NFIA: variants seen among roughly 807,000 people sequenced by gnomAD.
The protein encoded by NFIA is nuclear factor 1 A-type.
A neutral mutation model predicts 62.8 loss-of-function variants in NFIA; 8 were observed. That is an observed-to-expected ratio of 0.13 (90% CI 0.07 to 0.23). NFIA has a LOEUF of 0.23. Ranked by LOEUF, NFIA falls within the 10% of genes least tolerant of loss-of-function variation. The probability of loss-of-function intolerance (pLI) is 1.00; values close to 1 mark genes in which losing one functional copy is unlikely to be tolerated. For synonymous variants in NFIA, 235 were observed against 238.1 expected, an observed-to-expected ratio of 0.99 and a Z score of 0.12; for missense variants, 410 against 642.1, an observed-to-expected ratio of 0.64 and a Z score of 3.91.
At chr1:61,193,646 G>T (rs1201777635) in intron 2 of NFIA, among the ~76,000 whole-genome samples, 1 of 152,176 alleles carries the variant, frequency 6.6e-6, no homozygotes, top group Non-Finnish European at 1.5e-5. Context: ...ATTATCAGTT[G>T]TCAGGTATAT....
At chr1:61,110,483 G>A (rs942618379) in intron 2 of NFIA, among the ~76,000 whole-genome samples, 11 of 151,096 alleles carry the variant, frequency 7.3e-5, no homozygotes, top group African/African-American at 2.7e-4. Flanking sequence ...ACACACACAC[G>A]TATCAGTATA....
At chr1:61,128,913 A>ATTTT (rs1570221596) in intron 2 of NFIA, among the ~76,000 whole-genome samples, 1 of 62,918 alleles carries the variant, frequency 1.6e-5, no homozygotes, top group East Asian at 4.5e-4. Flanking sequence ...ATGCTTACTT[A>ATTTT]TGTTTTTTTT....
intron 2 of NFIA, among the ~76,000 whole-genome samples, chr1:61,271,388 G>C (rs1342782093): frequency 6.6e-6 from 1 of 152,200 alleles, no homozygotes; most frequent in East Asian, 1.9e-4. Flanking sequence ...TGAAATACCA[G>C]AAAAGTTGAA....
chr1:61,444,351 T>A lies in NFIA; in HGVS notation c.1513-10952T>A, dbSNP rs563367462. On this transcript the variant is annotated intron_variant, in intron 10 of 10. Coordinates refer to ENST00000403491, the MANE Select transcript of NFIA (RefSeq NM_001134673.4). ...GGAGTAGACCTGAGGAAATTTTTAA[T>A]ACTAACGAGAACTTGGTGCTGCGTA... is the stretch of plus-strand genomic sequence containing the variant. Among the ~76,000 whole-genome samples, 5 of 152,338 alleles carry A rather than the reference T, an allele frequency of 3.3e-5. No individual in the cohort carries two copies. In the South Asian group the frequency reaches 1.0e-3, roughly 32 times the overall value.
chr1:61,178,571 G>A (rs891769414), intron 2 of NFIA, among the ~76,000 whole-genome samples: 2 of 152,166 alleles, frequency 1.3e-5, no homozygotes, highest in African/African-American at 2.4e-5. Flanking sequence ...GATTCAATCC[G>A]TGTATCTCCA....
At chr1:61,229,098 G>T (rs1361077710) in intron 2 of NFIA, among the ~76,000 whole-genome samples, 1 of 151,206 alleles carries the variant, frequency 6.6e-6, no homozygotes, top group Non-Finnish European at 1.5e-5. Context: ...CATCTGAATT[G>T]TCTGAAGTAA....
At chr1:61,115,217 G>A (rs1275862111) in intron 2 of NFIA, among the ~76,000 whole-genome samples, 3 of 152,124 alleles carry the variant, frequency 2.0e-5, no homozygotes, top group African/African-American at 2.4e-5. Flanking sequence ...CTGACCTCAG[G>A]TGATCCACCC....
intron 9 of NFIA, among the ~76,000 whole-genome samples, chr1:61,416,237 C>A (rs1666342340): frequency 6.6e-6 from 1 of 152,094 alleles, no homozygotes; most frequent in African/African-American, 2.4e-5. Flanking sequence ...CCTTTTATAT[C>A]AAATATTATG....
intron 2 of NFIA, among the ~76,000 whole-genome samples, chr1:61,168,668 A>G (rs1570304552): frequency 1.3e-5 from 2 of 152,338 alleles, no homozygotes; most frequent in South Asian, 4.1e-4. Flanking sequence ...AATTCAAAAT[A>G]TATTTGGAAT....
intron 3 of NFIA, among the ~76,000 whole-genome samples, chr1:61,279,395 G>A (rs1346620494): frequency 1.4e-5 from 2 of 148,116 alleles, no homozygotes; most frequent in Non-Finnish European, 3.0e-5. Flanking sequence ...TTTAAAGCAG[G>A]CAGTTAAAAA....
At chr1:61,122,921 C>A (rs1021839793) in intron 2 of NFIA, among the ~76,000 whole-genome samples, 2 of 152,292 alleles carry the variant, frequency 1.3e-5, no homozygotes, top group East Asian at 1.9e-4. Context: ...TGCTCTCCCC[C>A]ACCCAGCCCA....
chr1:61,246,266 A>G (rs1016568056), intron 2 of NFIA, among the ~76,000 whole-genome samples: 8 of 152,202 alleles, frequency 5.3e-5, no homozygotes, highest in African/African-American at 1.9e-4. Context: ...TCTCTCGGAA[A>G]GTTGCCAAGA....
In NFIA at chr1:61,181,414, A is replaced by T. The variant is rs1271865840; in HGVS notation, c.559+92734A>T. Among the ~76,000 whole-genome samples the T allele has an allele frequency of 2.6e-5, 4 of 152,370 alleles. No homozygotes were observed. The East Asian group carries it at 7.7e-4, about 29-fold the overall frequency. ...TAAGCCTTTCCTAGTAAAGGGATGC[A>T]TTCAGCAGCTTTAAAAAGAATATTT... On this transcript the variant is annotated intron_variant, in intron 2 of 10. Transcript: ENST00000403491.
intron 2 of NFIA, among the ~76,000 whole-genome samples, chr1:61,178,141 T>C (rs1202441371): frequency 1.3e-5 from 2 of 152,216 alleles, no homozygotes; most frequent in South Asian, 2.1e-4. Context: ...CAAGGTCAGC[T>C]GAGGTACCTG....
intron 2 of NFIA, among the ~76,000 whole-genome samples, chr1:61,176,189 A>G (rs1650331890): frequency 6.6e-6 from 1 of 152,136 alleles, no homozygotes; most frequent in South Asian, 2.1e-4. Flanking sequence ...CTGCTGTGTC[A>G]CCTCTAGTGG....
At chr1:61,306,269 C>CTTTTTTTTTT (rs774297484) in intron 3 of NFIA, among the ~76,000 whole-genome samples, 943 of 60,582 alleles carry the variant, frequency 0.016, 189 homozygotes, top group Middle Eastern at 0.02. Flanking sequence ...AGATTTTGTT[C>CTTTTTTTTTT]TTTTTTTTTT....
At chr1:61,300,576 T>G (rs1357265625) in intron 3 of NFIA, among the ~76,000 whole-genome samples, 2 of 152,084 alleles carry the variant, frequency 1.3e-5, no homozygotes, top group African/African-American at 4.8e-5. Flanking sequence ...CAATATTGTT[T>G]TAGTTCTTTC....
intron 2 of NFIA, among the ~76,000 whole-genome samples, chr1:61,170,449 T>C (rs1389807322): frequency 6.6e-6 from 1 of 152,180 alleles, no homozygotes; most frequent in African/African-American, 2.4e-5. Context: ...ATTGTTAGGA[T>C]AGGCCCAGAA....
At chr1:61,419,961 C>T (rs533442960) in intron 9 of NFIA, among the ~76,000 whole-genome samples, 26 of 152,118 alleles carry the variant, frequency 1.7e-4, no homozygotes, top group African/African-American at 4.8e-4. Context: ...AATAATAGGA[C>T]GAGGTAGCTG....
Sources: allele counts gnomAD v4.1 joint callset (sites outside exome capture counted in the v4.1 genomes callset), GRCh38; gene constraint gnomAD v4.1.1; transcripts MANE v1.5; gene names NCBI Gene and HGNC (gene_info 2026-07-23, HGNC 2026-07-21).